Variants in PPIG observed in about 807,000 individuals in gnomAD.
The protein encoded by PPIG is peptidyl-prolyl cis-trans isomerase G.
Under a neutral mutation model 87.9 loss-of-function variants are expected in PPIG, and 26 were observed. The observed-to-expected ratio is 0.30, with a 90% CI of 0.22 to 0.41. The LOEUF is 0.41. Ranked by LOEUF, PPIG falls within the 10% of genes least tolerant of loss-of-function variation. PPIG has a pLI of 1.00. For missense variants in PPIG, 722 were observed against 879.4 expected (o/e 0.82, Z 2.26); for synonymous variants, 308 against 276.5 (o/e 1.11, Z -1.13).
chr2:169,602,122 C>G (rs1333865867), intron 1 of PPIG, among the ~76,000 whole-genome samples: 1 of 152,062 alleles, frequency 6.6e-6, no homozygotes, highest in Non-Finnish European at 1.5e-5. Context: ...ACATACAATT[C>G]AGGCTGTATG....
In PPIG at chr2:169,624,669, G is replaced by C. The variant is rs925274097; in HGVS notation, c.548-6105G>C. On this transcript the variant is annotated intron_variant, in intron 9 of 13. Coordinates refer to ENST00000260970, the MANE Select transcript of PPIG (RefSeq NM_004792.3). The stretch of plus-strand genomic sequence containing the variant: ...GTGGTGCGTTCTCGGCTCACTGCAA[G>C]CTCCACCTCCCTGGTTCACGCGATT... Among the ~76,000 whole-genome samples the C allele has an allele frequency of 1.7e-4, 26 of 152,112 alleles. 1 individual carries two copies. Among genetic ancestry groups the C allele is most frequent in the Admixed American group, 6.5e-5 (1 of 15,282 alleles).
chr2:169,625,841 A>G (rs117476762), intron 9 of PPIG, among the ~76,000 whole-genome samples: 4,142 of 152,256 alleles, frequency 0.027, 78 homozygotes, highest in East Asian at 0.1. Context: ...GTTCCACCTC[A>G]GATCATCAGG....
intron 9 of PPIG, among the ~76,000 whole-genome samples, chr2:169,616,166 A>G (rs546333746): frequency 1.3e-5 from 2 of 152,300 alleles, no homozygotes; most frequent in Admixed American, 1.3e-4. Flanking sequence ...TGTCCCTGAA[A>G]AGGACATGAA....
intron 1 of PPIG, among the ~76,000 whole-genome samples, chr2:169,599,543 T>G (rs1685116759): frequency 6.6e-6 from 1 of 152,232 alleles, no homozygotes; most frequent in Non-Finnish European, 1.5e-5. Flanking sequence ...AGTAAAATGT[T>G]AAAAGGTACA....
At chr2:169,608,575 G>GTTGTACTTACTAAGTAAGTTGTGT in intron 6 of PPIG, 96 bp from the exon 7 acceptor site, 1 of 623,540 alleles carries the variant, frequency 1.6e-6, no homozygotes. Flanking sequence ...AGTTGTGTGT[G>GTTGTACTTACTAAGTAAGTTGTGT]GCACTAAATA....
intron 12 of PPIG, among the ~76,000 whole-genome samples, chr2:169,634,445 A>G (rs942022112): frequency 5.3e-5 from 8 of 152,080 alleles, no homozygotes; most frequent in African/African-American, 1.4e-4. Flanking sequence ...GAGCAATCTC[A>G]TGACTCCCAT....
intron 1 of PPIG, among the ~76,000 whole-genome samples, chr2:169,591,271 A>G (rs139178549): frequency 2.4e-3 from 366 of 152,290 alleles, no homozygotes; most frequent in African/African-American, 8.5e-3. Context: ...ATTTTTTTAC[A>G]CATGAACTGG....
At position 169,614,504 on chromosome 2, in the gene PPIG, T is replaced by C; in HGVS notation, c.407+11T>C. On this transcript the variant is annotated intron_variant, in intron 8 of 13. Transcript: ENST00000260970. ...TCCTCATTTAGATGGGTAAATATTA[T>C]TTTATTTATTTTACAACCTGTTTTA... The C allele has an allele frequency of 3.2e-6, 5 of 1,557,674 alleles. No individual in the cohort carries two copies. Among genetic ancestry groups the C allele is most frequent in the Non-Finnish European group, 4.4e-6 (5 of 1,145,896 alleles).
intron 9 of PPIG, among the ~76,000 whole-genome samples, chr2:169,629,036 A>G (rs1685971146): frequency 6.6e-6 from 1 of 152,004 alleles, no homozygotes; most frequent in Non-Finnish European, 1.5e-5. Flanking sequence ...GCTAAAGGAA[A>G]GGTCACAAAT....
intron 1 of PPIG, among the ~76,000 whole-genome samples, chr2:169,586,266 G>C (rs2683435): frequency 6.6e-6 from 1 of 151,554 alleles, no homozygotes; most frequent in Non-Finnish European, 1.5e-5. Flanking sequence ...GGCTTTTCTA[G>C]GCAGTCAGTT....
intron 1 of PPIG, among the ~76,000 whole-genome samples, chr2:169,590,620 G>A (rs1328096632): frequency 6.6e-6 from 1 of 152,092 alleles, no homozygotes; most frequent in Non-Finnish European, 1.5e-5. Flanking sequence ...TCCAGCCTGG[G>A]TGACAGAGGG....
intron 1 of PPIG, among the ~76,000 whole-genome samples, chr2:169,585,912 C>T (rs954750717): frequency 6.6e-6 from 1 of 151,978 alleles, no homozygotes. Flanking sequence ...AACAGGATGG[C>T]CGGTAATTGC....
intron 9 of PPIG, among the ~76,000 whole-genome samples, chr2:169,621,574 T>TA (rs1003207026): frequency 1.5e-4 from 23 of 151,808 alleles, no homozygotes; most frequent in Non-Finnish European, 2.9e-4. Flanking sequence ...ATACTAAAAA[T>TA]AAAAAAAATC....
intron 4 of PPIG, among the ~76,000 whole-genome samples, chr2:169,604,767 G>C (rs1055622900): frequency 6.6e-6 from 1 of 151,814 alleles, no homozygotes; most frequent in Non-Finnish European, 1.5e-5. Context: ...CCAGCTATTT[G>C]GGAGGCTGAG....
intron 1 of PPIG, among the ~76,000 whole-genome samples, chr2:169,585,502 G>A (rs1442022953): frequency 3.3e-5 from 5 of 151,914 alleles, no homozygotes; most frequent in African/African-American, 9.7e-5. Context: ...CTCGTGATCC[G>A]CCCACCTCGG....
In PPIG at chr2:169,586,230, A is replaced by G. The variant is rs147415305; in HGVS notation, c.-70+1740A>G. 3.6e-4 allele frequency among the ~76,000 whole-genome samples: 55 copies of G among 152,230 alleles called. No homozygotes were observed. The East Asian group carries it at 0.01, about 28-fold the overall frequency. ...AGGGTCTTGTAGTAGGATTCTGCGC[A>G]TTTGAATTGTTGGTTTCCTTTTTAA... On this transcript the variant is annotated intron_variant, in intron 1 of 13. Coordinates refer to ENST00000260970, the MANE Select transcript of PPIG (RefSeq NM_004792.3).
Position 169,630,927 on chromosome 2 carries a change from A to G in PPIG, c.701A>G (p.His234Arg), listed in dbSNP as rs1301214905. 6.2e-7 allele frequency: 1 copy of G among 1,601,760 alleles called. No individual in the cohort carries two copies. The highest frequency in any genetic ancestry group is 8.5e-7 in the Non-Finnish European group (1 of 1,177,290). ...EEKSKKRKKKHRKNSRKHKKE... is the reference protein window; with the variant it reads ...EEKSKKRKKKRRKNSRKHKKE... The stretch of plus-strand genomic sequence containing the variant: ...AAATCAAAGAAAAGAAAAAAGAAAC[A>G]TCGGAAAAATTCCCGAAAACACAAG... The change falls in exon 10 of 14, where the codon CAT becomes CGT. Residue 234 changes from histidine (H) to arginine (R), a missense_variant. Physicochemically the swap from His to Arg is conservative, Grantham distance 29. Coordinates refer to ENST00000260970, the MANE Select transcript of PPIG (RefSeq NM_004792.3).
chr2:169,595,467 C>T (rs1574437617), intron 1 of PPIG, among the ~76,000 whole-genome samples: 2 of 152,174 alleles, frequency 1.3e-5, no homozygotes, highest in African/African-American at 2.4e-5. Context: ...TTTTGAGTAT[C>T]GTTAGTCACC....
chr2:169,614,447 C>A lies in PPIG; in HGVS notation c.378-17C>A. ...TCTGACTTTGTTTTTATTCTTCTAT[C>A]TGATGATTTCCAAAAGAACAACGAA... On this transcript the variant is annotated splice_polypyrimidine_tract_variant and intron_variant, in intron 7 of 13. Coordinates refer to ENST00000260970, the MANE Select transcript of PPIG (RefSeq NM_004792.3). 6.5e-7 allele frequency: 1 copy of A among 1,538,834 alleles called. No individual in the cohort carries two copies. The highest frequency in any genetic ancestry group is 8.9e-7 in the Non-Finnish European group (1 of 1,127,928).
Sources: allele counts gnomAD v4.1 joint callset (sites outside exome capture counted in the v4.1 genomes callset), GRCh38; gene constraint gnomAD v4.1.1; transcripts MANE v1.5; gene names NCBI Gene and HGNC (gene_info 2026-07-23, HGNC 2026-07-21).